The following NXPE2 variants were observed in gnomAD, a reference collection of about 807,000 sequenced individuals.
NXPE2 encodes neurexophilin and PC-esterase domain family member 2.
In NXPE2, 34 loss-of-function variants were observed where a neutral mutation model predicts 34.4. That is an observed-to-expected ratio of 0.99 (90% CI 0.75 to 1.31). NXPE2 has a LOEUF of 1.31. Ranked by LOEUF, NXPE2 falls within the 40% of genes most tolerant of loss-of-function variation. NXPE2 has a pLI of 0.00. For missense variants in NXPE2, 649 were observed against 672.5 expected, an observed-to-expected ratio of 0.97 and a Z score of 0.39; for synonymous variants, 235 against 231.3, an observed-to-expected ratio of 1.02 and a Z score of -0.15.
At chr11:114,587,508 A>G in the NXPE2 span, among the ~76,000 whole-genome samples, 3 of 152,252 alleles carry the variant, frequency 2.0e-5, no homozygotes, top group Non-Finnish European at 4.4e-5. Context: ...ACAAGTCTAG[A>G]AAGTCAAAGG....
chr11:114,622,174 G>A, the NXPE2 span, among the ~76,000 whole-genome samples: 14 of 150,798 alleles, frequency 9.3e-5, no homozygotes, highest in African/African-American at 3.4e-4. Flanking sequence ...TGGATAATAA[G>A]TATTGCCTCG....
chr11:114,582,335 G>C, the NXPE2 span: 3 of 1,599,614 alleles, frequency 1.9e-6, no homozygotes, highest in South Asian at 1.1e-5. Flanking sequence ...AAACTTTCTT[G>C]TTCTTAGAAT....
the NXPE2 span, among the ~76,000 whole-genome samples, chr11:114,612,510 C>G: frequency 6.6e-6 from 1 of 151,150 alleles, no homozygotes; most frequent in Non-Finnish European, 1.5e-5. Flanking sequence ...ATAAGTGTTT[C>G]CTCGGGGGTA....
the NXPE2 span, among the ~76,000 whole-genome samples, chr11:114,619,862 T>A: frequency 6.7e-6 from 1 of 149,532 alleles, no homozygotes; most frequent in Admixed American, 6.7e-5. Context: ...ACCCGCTGGA[T>A]AACAAGTGTT....
At chr11:114,506,949 G>C in the NXPE2 span, among the ~76,000 whole-genome samples, 1 of 151,904 alleles carries the variant, frequency 6.6e-6, no homozygotes, top group South Asian at 2.1e-4. Context: ...CCAGGAGCTG[G>C]TTTTTTGAAA....
chr11:114,519,706 A>C, the NXPE2 span, among the ~76,000 whole-genome samples: 1 of 152,120 alleles, frequency 6.6e-6, no homozygotes, highest in South Asian at 2.1e-4. Context: ...GGCTTCAGAG[A>C]CTGATGTATT....
At chr11:114,498,216 G>T in the NXPE2 span, among the ~76,000 whole-genome samples, 1 of 151,686 alleles carries the variant, frequency 6.6e-6, no homozygotes, top group Non-Finnish European at 1.5e-5. Context: ...TGGTTTTTCC[G>T]TATAGAGAAG....
the NXPE2 span, among the ~76,000 whole-genome samples, chr11:114,655,225 A>G: frequency 6.6e-6 from 1 of 151,980 alleles, no homozygotes; most frequent in Non-Finnish European, 1.5e-5. Context: ...TGGATATTAA[A>G]CCTTTGTCAG....
chr11:114,602,950 ATC>A, the NXPE2 span, among the ~76,000 whole-genome samples: 2 of 149,998 alleles, frequency 1.3e-5, no homozygotes, highest in East Asian at 3.9e-4. Flanking sequence ...AATCATAATT[ATC>A]TCATATACAA....
chr11:114,492,857 G>A, the NXPE2 span, among the ~76,000 whole-genome samples: 1 of 152,110 alleles, frequency 6.6e-6, no homozygotes, highest in Non-Finnish European at 1.5e-5. Flanking sequence ...ATGTTTCTTT[G>A]TTGATTTTCT....
the NXPE2 span, among the ~76,000 whole-genome samples, chr11:114,717,488 A>G: frequency 1.5e-4 from 23 of 152,346 alleles, no homozygotes; most frequent in African/African-American, 4.6e-4. Flanking sequence ...AGTATCTGAC[A>G]TGGTGGAAAG....
the NXPE2 span, among the ~76,000 whole-genome samples, chr11:114,781,857 A>G: frequency 1.3e-5 from 2 of 152,148 alleles, no homozygotes; most frequent in Admixed American, 6.5e-5. Flanking sequence ...TAGACCCTCA[A>G]CTGGTTCATC....
chr11:114,696,341 A>AAAC (rs1951253839), intron 2 of NXPE2, among the ~76,000 whole-genome samples: 3 of 75,294 alleles, frequency 4.0e-5, no homozygotes, highest in African/African-American at 1.3e-4. Context: ...CAAAAAAACC[A>AAAC]AAAAAAAAAA....
At chr11:114,741,844 C>A in the NXPE2 span, among the ~76,000 whole-genome samples, 1 of 152,110 alleles carries the variant, frequency 6.6e-6, no homozygotes, top group African/African-American at 2.4e-5. Context: ...TTTTGGGGTT[C>A]CATTGATGAT....
chr11:114,740,853 C>T, the NXPE2 span, among the ~76,000 whole-genome samples: 1 of 152,134 alleles, frequency 6.6e-6, no homozygotes, highest in East Asian at 1.9e-4. Flanking sequence ...CTTTCTGTTA[C>T]TGGGTGCATA....
the NXPE2 span, among the ~76,000 whole-genome samples, chr11:114,735,340 C>T: frequency 1.3e-5 from 2 of 152,068 alleles, no homozygotes; most frequent in East Asian, 3.8e-4. Flanking sequence ...TTTCCTTCTG[C>T]CACTGTATTT....
At chr11:114,688,772 A>C (rs1565383187) in intron 2 of NXPE2, among the ~76,000 whole-genome samples, 1 of 151,844 alleles carries the variant, frequency 6.6e-6, no homozygotes, top group African/African-American at 2.4e-5. Flanking sequence ...CAATGTCTTT[A>C]GTCATTTTTG....
chr11:114,773,102 C>T, the NXPE2 span, among the ~76,000 whole-genome samples: 1 of 152,064 alleles, frequency 6.6e-6, no homozygotes, highest in African/African-American at 2.4e-5. Context: ...ATGTCTGTTC[C>T]TTAAGGGGAG....
At chr11:114,632,230 T>A in the NXPE2 span, among the ~76,000 whole-genome samples, 2 of 140,666 alleles carry the variant, frequency 1.4e-5, no homozygotes, top group Non-Finnish European at 3.0e-5. Context: ...TATATATGTA[T>A]AATATATATG....
Sources: gnomAD v4.1 joint callset for allele counts (sites outside exome capture counted in the v4.1 genomes callset) on GRCh38, gnomAD v4.1.1 for gene constraint, MANE v1.5 for transcripts, NCBI Gene and HGNC (gene_info 2026-07-23, HGNC 2026-07-21) for gene names.